RGS12: variants seen among roughly 807,000 people sequenced by gnomAD.
The protein encoded by RGS12 is regulator of G-protein signaling 12.
Under a neutral mutation model 120.1 loss-of-function variants are expected in RGS12, and 66 were observed. The ratio of observed to expected loss-of-function variants is 0.55; its 90% CI spans 0.45 to 0.67. The LOEUF is 0.67. RGS12 is among the 30% of genes least tolerant of loss of function. The pLI is 0.00. For missense variants in RGS12, 1,859 were observed against 1,957.7 expected, an observed-to-expected ratio of 0.95 and a Z score of 0.95; for synonymous variants, 827 against 804.7, an observed-to-expected ratio of 1.03 and a Z score of -0.47.
chr4:3,363,055 G>A (rs945813934), intron 3 of RGS12, among the ~76,000 whole-genome samples: 17 of 151,430 alleles, frequency 1.1e-4, no homozygotes, highest in African/African-American at 4.1e-4. Context: ...GTGTATGTGT[G>A]TGTGTGTGAA....
intron 17 of RGS12, among the ~76,000 whole-genome samples, chr4:3,438,695 G>T (rs1470728331): frequency 6.6e-6 from 1 of 152,182 alleles, no homozygotes; most frequent in Admixed American, 6.5e-5. Flanking sequence ...CCTCCCGGGG[G>T]TGCTGGCAAG....
intron 7 of RGS12, among the ~76,000 whole-genome samples, chr4:3,416,439 G>A (rs368453423): frequency 2.0e-5 from 3 of 152,196 alleles, no homozygotes; most frequent in African/African-American, 7.2e-5. Flanking sequence ...GCGCATCTGC[G>A]TTTGAAGTTT....
At position 3,431,730 on chromosome 4, in the gene RGS12, C is replaced by T. The variant is rs1724327126; in HGVS notation, c.4114+775C>T. Reference sequence around the variant, plus strand: ...GGCCATCCCCTGGAGAGAGGAGCCGCTCAGGGTGCGCGTCATGGAGTGTGC... The same window carrying T: ...GGCCATCCCCTGGAGAGAGGAGCCGTTCAGGGTGCGCGTCATGGAGTGTGC... On this transcript the variant is annotated intron_variant, in intron 17 of 17. Transcript: ENST00000336727. 7 of 985,522 alleles carry T rather than the reference C, an allele frequency of 7.1e-6. No individual in the cohort carries two copies. In the South Asian group the frequency reaches 2.3e-4, roughly 33 times the overall value. 61.0% of individuals were successfully genotyped at this position (985,522 alleles called of 1,614,324 possible). A position where few individuals can be genotyped will look rare whatever the true frequency, so the allele number is the denominator to read the frequency against.
rs888133423 is a variant in RGS12 at position 3,370,538 on chromosome 4, A to G, written c.1999-15878A>G. Among the ~76,000 whole-genome samples, 5 of 152,200 alleles carry G rather than the reference A, an allele frequency of 3.3e-5. No individual in the cohort carries two copies. In the East Asian group the frequency reaches 5.8e-4, roughly 18 times the overall value. ...CCGCAGCACGTCCCGGGCCCGACAC[A>G]CCCGGCCGCCGGCCTCAACCCCTCG... On this transcript the variant is annotated intron_variant, in intron 3 of 17. Coordinates refer to ENST00000336727, the MANE Select transcript of RGS12 (RefSeq NM_001394154.1).
Position 3,374,854 on chromosome 4 carries a change from C to G in RGS12, c.1999-11562C>G, listed in dbSNP as rs1294648451. On this transcript the variant is annotated intron_variant, in intron 3 of 17. Coordinates refer to ENST00000336727, the MANE Select transcript of RGS12 (RefSeq NM_001394154.1). The surrounding 1 kb of genome is among the most constrained non-coding windows in gnomAD (Gnocchi z 6.3). Reference sequence around the variant, plus strand: ...GCCGCCCCTGCTCTTTGCCCCATGGCTTTCTGCCTTGGACTGGGCTCTGCG... The same window carrying G: ...GCCGCCCCTGCTCTTTGCCCCATGGGTTTCTGCCTTGGACTGGGCTCTGCG... Among the ~76,000 whole-genome samples, 1 of 152,190 alleles carries G rather than the reference C, an allele frequency of 6.6e-6. No homozygotes were observed. The highest frequency in any genetic ancestry group is 1.5e-5 in the Non-Finnish European group (1 of 68,040).
At chr4:3,381,947 G>A (rs3129327) in intron 3 of RGS12, among the ~76,000 whole-genome samples, 107,314 of 152,192 alleles carry the variant, frequency 0.71, 39,609 homozygotes, top group African/African-American at 0.93. Context: ...GTGTAAACTG[G>A]GGTCCAGCCA....
chr4:3,386,227 T>C, intron 3 of RGS12, 189 bp from the exon 4 acceptor site: 1 of 624,588 alleles, frequency 1.6e-6, no homozygotes, highest in Non-Finnish European at 2.9e-6. Context: ...TGTCACCTAG[T>C]TTGGGCGGAG....
At chr4:3,383,257 T>G in intron 3 of RGS12, among the ~76,000 whole-genome samples, 1 of 152,126 alleles carries the variant, frequency 6.6e-6, no homozygotes, top group East Asian at 1.9e-4. Flanking sequence ...CTCTGTTCCT[T>G]CCTCGTCTCT....
rs3123320 is a variant in RGS12 at position 3,430,651 on chromosome 4, C to T, written c.3810C>T (p.Ser1270=). Residue 1270 remains serine, a synonymous_variant, in exon 17 of 18, where the codon AGC becomes AGT. Transcript: ENST00000336727. ...QWEPVQESSD[S]PSTSPGSASS... is the part of the protein sequence containing the mutation. ...AGCCAGTCCAGGAGAGCAGCGACAG[C>T]CCGTCCACCAGCCCGGGCTCAGCCT... The T allele has an allele frequency of 1.9e-5, 31 of 1,597,336 alleles. No individual in the cohort carries two copies. The East Asian group carries it at 7.0e-4, about 36-fold the overall frequency.
In RGS12 at chr4:3,353,775, G is replaced by A. The variant is rs1048950472; in HGVS notation, c.1998+10722G>A. Among the ~76,000 whole-genome samples, 16 of 152,066 alleles carry A rather than the reference G, an allele frequency of 1.1e-4. 1 individual carries two copies. The highest frequency in any genetic ancestry group is 1.0e-3 in the Admixed American group (16 of 15,266). On this transcript the variant is annotated intron_variant, in intron 3 of 17. Transcript: ENST00000336727. Reference sequence around the variant, plus strand: ...GTGGATCTGTTGTGAGCTAGACTGGGGCCAGGACTCCCTTCATAACCTGGC... The same window carrying A: ...GTGGATCTGTTGTGAGCTAGACTGGAGCCAGGACTCCCTTCATAACCTGGC...
At chr4:3,419,523 T>G (rs1722772545) in intron 9 of RGS12, 1 of 151,602 alleles carries the variant, frequency 6.6e-6, no homozygotes, top group African/African-American at 2.4e-5. Flanking sequence ...AAAGCAAACC[T>G]TGATAGCAGT....
At chr4:3,325,603 C>T (rs550565899) in intron 2 of RGS12, among the ~76,000 whole-genome samples, 2 of 152,292 alleles carry the variant, frequency 1.3e-5, no homozygotes, top group Admixed American at 6.5e-5. Flanking sequence ...CAGCCGAATT[C>T]TACCAAACCT....
rs569908917 is a variant in RGS12, at chr4:3,372,960, G to A, written c.1999-13456G>A. On this transcript the variant is annotated intron_variant, in intron 3 of 17. Coordinates refer to ENST00000336727, the MANE Select transcript of RGS12 (RefSeq NM_001394154.1). This position sits in a 1 kb window ranked among gnomAD's most constrained non-coding sequence, Gnocchi z 4.3. ...TGTAGGCAGTGTGGAGGCCATGGTC[G>A]CTGAGGAAGGGCAGGAGGGAGGAGG... 1.3e-5 allele frequency among the ~76,000 whole-genome samples: 2 copies of A among 152,324 alleles called. No individual in the cohort carries two copies. The highest frequency in any genetic ancestry group is 6.5e-5 in the Admixed American group (1 of 15,294).
At chr4:3,364,676 A>G (rs1716114185) in intron 3 of RGS12, among the ~76,000 whole-genome samples, 1 of 151,838 alleles carries the variant, frequency 6.6e-6, no homozygotes, top group Admixed American at 6.6e-5. Context: ...GGACAGAGGG[A>G]GGGAGAGCCG....
rs2109235007 is a variant in RGS12 at position 3,430,876 on chromosome 4, G to A, written c.4035G>A (p.Glu1345=). 1 of 1,612,472 alleles carries A rather than the reference G, an allele frequency of 6.2e-7. No homozygotes were observed. Among genetic ancestry groups the A allele is most frequent in the South Asian group, 1.1e-5 (1 of 90,968 alleles). The change falls in exon 17 of 18, where the codon GAG becomes GAA. Residue 1345 remains glutamate, a synonymous_variant. Transcript: ENST00000336727. ...TGGCCGAGCTGACCCTGATGGGGGA[G>A]GGGGACATCAGCAGCCCCAACAGCA... ...EHVAELTLMG[E]GDISSPNSTL... is the part of the protein sequence containing the mutation.
chr4:3,411,213 C>T (rs1268416829), intron 4 of RGS12, among the ~76,000 whole-genome samples: 1 of 152,234 alleles, frequency 6.6e-6, no homozygotes, highest in Non-Finnish European at 1.5e-5. Flanking sequence ...CTTCCCCGTG[C>T]ACCCCACTCA....
At chr4:3,293,214 C>T (rs994126455) in intron 1 of RGS12, 115 bp downstream of exon 1, 1 of 146,362 alleles carries the variant, frequency 6.8e-6, no homozygotes, top group Non-Finnish European at 1.5e-5. Context: ...CCGGCCAGCC[C>T]TGCGCGGCGC....
At chr4:3,396,942 A>AT (rs1720100759) in intron 4 of RGS12, among the ~76,000 whole-genome samples, 1 of 151,848 alleles carries the variant, frequency 6.6e-6, no homozygotes, top group Admixed American at 6.6e-5. Context: ...CTGTAATTAT[A>AT]CATATGTGAT....
chr4:3,361,905 G>A (rs1393727244), intron 3 of RGS12, among the ~76,000 whole-genome samples: 1 of 152,184 alleles, frequency 6.6e-6, no homozygotes, highest in Non-Finnish European at 1.5e-5. Flanking sequence ...CCTCTCACAG[G>A]ACAGGCTCCT....
Sources: gnomAD v4.1 joint callset for allele counts (sites outside exome capture counted in the v4.1 genomes callset) on GRCh38, gnomAD v4.1.1 for gene constraint, Gnocchi (gnomAD v3.1) non-coding constraint, MANE v1.5 for transcripts, NCBI Gene and HGNC (gene_info 2026-07-23, HGNC 2026-07-21) for gene names.